Variants in RYR3 observed in about 807,000 individuals in gnomAD.
The protein encoded by RYR3 is ryanodine receptor 3.
A neutral mutation model predicts 584.3 loss-of-function variants in RYR3; 207 were observed. The ratio of observed to expected loss-of-function variants is 0.35; its 90% CI spans 0.32 to 0.40. RYR3 has a LOEUF of 0.40. Ranked by LOEUF, RYR3 falls within the 10% of genes least tolerant of loss-of-function variation. The pLI is 1.00. For missense variants in RYR3, 5,616 were observed against 6,089.2 expected, an observed-to-expected ratio of 0.92 and a Z score of 2.59; for synonymous variants, 2,416 against 2,248.5, an observed-to-expected ratio of 1.07 and a Z score of -2.11.
intron 101 of RYR3, 94 bp downstream of exon 101, chr15:33,860,753 C>A (rs987456291): frequency 4.2e-6 from 4 of 960,120 alleles, no homozygotes; most frequent in African/African-American, 3.3e-5. Context: ...TTACTTAGGG[C>A]CAGTACTAAG....
intron 48 of RYR3, among the ~76,000 whole-genome samples, chr15:33,735,416 G>T (rs1028640897): frequency 6.6e-6 from 1 of 152,066 alleles, no homozygotes; most frequent in Non-Finnish European, 1.5e-5. Flanking sequence ...TTTCTTCCCT[G>T]GCATTCCAAC....
chr15:33,810,849 T>C (rs113191024), intron 71 of RYR3, 129 bp from the exon 72 acceptor site: 24,896 of 1,095,018 alleles, frequency 0.023, 353 homozygotes, highest in Non-Finnish European at 0.028. Context: ...ATCTCCGGAA[T>C]ATTTTTTCTT....
chr15:33,627,011 G>A (rs1292237672), intron 20 of RYR3, among the ~76,000 whole-genome samples: 1 of 152,146 alleles, frequency 6.6e-6, no homozygotes, highest in African/African-American at 2.4e-5. Context: ...ACTGCCTAGT[G>A]GAGCTGTGAG....
At position 33,841,907 on chromosome 15, in the gene RYR3, C is replaced by A; in HGVS notation, c.13081C>A (p.Gln4361Lys). ...GGAAGACAAAGACAAAGAAGAGGAGCAAGCTGAGTACCTGTGGACAGAAGT... is the reference window on the plus strand; with the variant it reads ...GGAAGACAAAGACAAAGAAGAGGAGAAAGCTGAGTACCTGTGGACAGAAGT... ...EKEDKDKEEE[Q>K]AEYLWTEVTK... The change falls in exon 91 of 104, where the codon CAA (glutamine) becomes AAA (lysine). Residue 4361 changes from glutamine to lysine, a missense_variant. Physicochemically the swap from Gln to Lys is moderately conservative, Grantham distance 53 (BLOSUM62 1). Coordinates refer to ENST00000634891, the MANE Select transcript of RYR3 (RefSeq NM_001036.6). 1 of 1,596,662 alleles carries A rather than the reference C, an allele frequency of 6.3e-7. No homozygotes were observed.
chr15:33,709,138 A>G (rs1357990472), intron 43 of RYR3, among the ~76,000 whole-genome samples: 1 of 152,248 alleles, frequency 6.6e-6, no homozygotes, highest in East Asian at 1.9e-4. Flanking sequence ...CATATCTAAC[A>G]GTAGCCGTGT....
At chr15:33,597,787 A>G (rs2059446728) in intron 16 of RYR3, among the ~76,000 whole-genome samples, 1 of 151,954 alleles carries the variant, frequency 6.6e-6, no homozygotes, top group African/African-American at 2.4e-5. Context: ...CCAATTATTT[A>G]GAGCTCTTTT....
At chr15:33,370,617 A>C (rs1399181731) in intron 1 of RYR3, among the ~76,000 whole-genome samples, 1 of 152,144 alleles carries the variant, frequency 6.6e-6, no homozygotes, top group African/African-American at 2.4e-5. Context: ...CCAGGTTTTC[A>C]TTTTATAGCT....
chr15:33,670,455 A>T lies in RYR3; in HGVS notation c.5759A>T (p.Asp1920Val), dbSNP rs779138860. Reference protein sequence around the residue: ...PLEEEEEEEEDTSWTGKLCAL... With the variant: ...PLEEEEEEEEVTSWTGKLCAL... ...GAAGAAGAGGAAGAGGAGGAGGAGG[A>T]CACCTCCTGGACAGGAAAACTCTGT... is the stretch of plus-strand genomic sequence containing the variant. Residue 1920 changes from aspartate (D) to valine (V), a missense_variant, in exon 38 of 104, where the codon GAC (aspartate) becomes GTC (valine). Asp to Val is a radical substitution (Grantham distance 152). Transcript: ENST00000634891. The T allele has an allele frequency of 6.2e-7, 1 of 1,613,254 alleles. No homozygotes were observed. The highest frequency in any genetic ancestry group is 8.5e-7 in the Non-Finnish European group (1 of 1,179,356).
At chr15:33,735,506 C>T (rs2069371792) in intron 48 of RYR3, among the ~76,000 whole-genome samples, 1 of 152,158 alleles carries the variant, frequency 6.6e-6, no homozygotes, top group Non-Finnish European at 1.5e-5. Context: ...ATGAGCTGAA[C>T]TTATATACCA....
At chr15:33,448,618 A>C (rs2046861844) in intron 1 of RYR3, among the ~76,000 whole-genome samples, 1 of 152,274 alleles carries the variant, frequency 6.6e-6, no homozygotes, top group Non-Finnish European at 1.5e-5. Flanking sequence ...CAAAGTAATG[A>C]TGAGGGCCTT....
Position 33,865,376 on chromosome 15 carries a change from A to G in RYR3, c.*150A>G. 1 of 629,522 alleles carries G rather than the reference A, an allele frequency of 1.6e-6. No homozygotes were observed. 39.0% of individuals were successfully genotyped at this position (629,522 alleles called of 1,614,324 possible). A position where few individuals can be genotyped will look rare whatever the true frequency, so the allele number is the denominator to read the frequency against. On this transcript the variant is annotated 3_prime_UTR_variant, in exon 104 of 104. Transcript: ENST00000634891. ...CTGCTGAAAATCTGTGCTATTTTGAAATTGATTTGGCTTTTTGTGCCTAAT... is the reference window on the plus strand; with the variant it reads ...CTGCTGAAAATCTGTGCTATTTTGAGATTGATTTGGCTTTTTGTGCCTAAT...
intron 31 of RYR3, among the ~76,000 whole-genome samples, chr15:33,650,068 A>G (rs2062373578): frequency 6.6e-6 from 1 of 152,146 alleles, no homozygotes; most frequent in African/African-American, 2.4e-5. Context: ...GTCACGAGGG[A>G]CCTGCAGCTG....
intron 64 of RYR3, among the ~76,000 whole-genome samples, 168 bp from the exon 65 acceptor site, chr15:33,780,043 G>A (rs778325026): frequency 1.3e-5 from 2 of 152,132 alleles, no homozygotes; most frequent in Non-Finnish European, 2.9e-5. Context: ...AGCAGTGAGA[G>A]CATTGGTTAG....
chr15:33,725,182 C>CACACACACACACACACACACATATAT (rs2068277516), intron 45 of RYR3, among the ~76,000 whole-genome samples: 1 of 149,278 alleles, frequency 6.7e-6, no homozygotes, highest in Non-Finnish European at 1.5e-5. Flanking sequence ...CACACACACA[C>CACACACACACACACACACACATATAT]ACACACACAC....
At position 33,344,790 on chromosome 15, in the gene RYR3, T is replaced by C. The variant is rs555317419; in HGVS notation, c.51+33694T>C. ...GCTTCAGCCACTACAAAGCTCAAAGTAGGGGAGGTGACTTAACATAAAAAT... is the reference window on the plus strand; with the variant it reads ...GCTTCAGCCACTACAAAGCTCAAAGCAGGGGAGGTGACTTAACATAAAAAT... On this transcript the variant is annotated intron_variant, in intron 1 of 103. Transcript: ENST00000634891. Among the ~76,000 whole-genome samples the C allele has an allele frequency of 2.0e-5, 3 of 152,238 alleles. 1 individual carries two copies. In the South Asian group the frequency reaches 6.2e-4, roughly 32 times the overall value.
intron 60 of RYR3, among the ~76,000 whole-genome samples, chr15:33,767,824 A>G (rs2073228427): frequency 6.6e-6 from 1 of 152,174 alleles, no homozygotes; most frequent in Admixed American, 6.5e-5. Context: ...TCTTCCCAAG[A>G]GCCTCAGCAA....
intron 2 of RYR3, among the ~76,000 whole-genome samples, chr15:33,499,529 A>G (rs930855107): frequency 3.9e-5 from 6 of 152,226 alleles, no homozygotes. Context: ...CTTCAAAAAT[A>G]TATTAGTGAA....
Position 33,838,093 on chromosome 15 carries a change from C to A in RYR3, c.12113C>A (p.Ala4038Asp). 1 of 1,613,832 alleles carries A rather than the reference C, an allele frequency of 6.2e-7. No homozygotes were observed. The highest frequency in any genetic ancestry group is 8.5e-7 in the Non-Finnish European group (1 of 1,179,884). The change falls in exon 89 of 104, where the codon GCC (alanine) becomes GAC (aspartate). Residue 4038 changes from alanine to aspartate, a missense_variant. Around this residue, in one of 9 missense-constraint regions of RYR3, gnomAD observed 258 missense variants for 297.3 expected, o/e 0.87. Coordinates refer to ENST00000634891, the MANE Select transcript of RYR3 (RefSeq NM_001036.6). The stretch of plus-strand genomic sequence containing the variant: ...GGACGCATCGAGATCATGGGTGGGG[C>A]CAAGAAGATTGAGCGTGTTTATTTT... ...YLGRIEIMGG[A>D]KKIERVYFEI...
chr15:33,489,911 A>G (rs911273474), intron 2 of RYR3, among the ~76,000 whole-genome samples: 2 of 141,050 alleles, frequency 1.4e-5, no homozygotes, highest in Admixed American at 7.2e-5. Flanking sequence ...AGATGGTGAG[A>G]TGGAACCTCA....
Sources: gnomAD v4.1 joint callset for allele counts (sites outside exome capture counted in the v4.1 genomes callset) on GRCh38, gnomAD v4.1.1 for gene constraint, gnomAD v4.1.1 regional missense constraint, MANE v1.5 for transcripts, NCBI Gene and HGNC (gene_info 2026-07-23, HGNC 2026-07-21) for gene names.